Variants in MAP3K7CL observed in about 807,000 individuals in gnomAD.
The protein encoded by MAP3K7CL is MAP3K7 C-terminal like.
MAP3K7CL carries 16 observed loss-of-function variants against 18.6 expected under a neutral mutation model. The observed-to-expected ratio is 0.86, with a 90% confidence interval of 0.58 to 1.31. The LOEUF (loss-of-function observed/expected upper bound fraction) is 1.31, where lower values mean the gene tolerates loss of function less well. Ranked by LOEUF, MAP3K7CL falls within the 50% of genes most tolerant of loss-of-function variation. The pLI, the probability that MAP3K7CL is intolerant of heterozygous loss-of-function variation, is 0.00. For synonymous variants in MAP3K7CL, 65 were observed against 66.8 expected (o/e 0.97, Z 0.13); for missense variants, 163 against 174.4 (o/e 0.93, Z 0.37).
intron 4 of MAP3K7CL, among the ~76,000 whole-genome samples, chr21:29,121,646 G>T (rs1262797006): frequency 1.3e-5 from 2 of 152,090 alleles, no homozygotes; most frequent in African/African-American, 4.8e-5. Context: ...TCTTTAATGA[G>T]CCAAGCAGTT....
intron 4 of MAP3K7CL, among the ~76,000 whole-genome samples, chr21:29,103,877 C>G (rs1192906312): frequency 6.6e-6 from 1 of 152,162 alleles, no homozygotes; most frequent in African/African-American, 2.4e-5. Flanking sequence ...GCACTTCAGC[C>G]TGGGTGACAG....
In MAP3K7CL at chr21:29,109,569, A is replaced by G. The variant is rs1046203552; in HGVS notation, c.370+16988A>G. The G allele has an allele frequency of 2.9e-6, 3 of 1,016,954 alleles. No homozygotes were observed. In the African/African-American group the frequency reaches 5.2e-5, roughly 18 times the overall value. The allele number at this position is 1,016,954 out of a possible 1,614,324, so 63.0% of individuals were successfully genotyped here. A position where few individuals can be genotyped will look rare whatever the true frequency, so the allele number is the denominator to read the frequency against. ...TTACTCTACTGAAATCCATTTTTTG[A>G]TTTATAAACTGCACATTTAATGTAA... On this transcript the variant is annotated intron_variant, in intron 4 of 6. Transcript: ENST00000286791.
At chr21:29,148,199 A>T (rs1343561818) in intron 2 of MAP3K7CL, among the ~76,000 whole-genome samples, 1 of 151,912 alleles carries the variant, frequency 6.6e-6, no homozygotes, top group Non-Finnish European at 1.5e-5. Context: ...CTGTATATAT[A>T]CCTGTACTGT....
rs1459738798 is a variant in MAP3K7CL at position 29,175,412 on chromosome 21, A to G, written c.*520A>G. 1 of 152,214 alleles carries G rather than the reference A, an allele frequency of 6.6e-6. No individual in the cohort carries two copies. Among genetic ancestry groups the G allele is most frequent in the Non-Finnish European group, 1.5e-5 (1 of 68,048 alleles). The allele number at this position is 152,214 out of a possible 1,614,324, so 9.4% of individuals were successfully genotyped here. A position where few individuals can be genotyped will look rare whatever the true frequency, so the allele number is the denominator to read the frequency against. ...TATAAACTTTTATACTCTGATTTTT[A>G]TCCTTCAATGATTGATTATACTAAG... On this transcript the variant is annotated 3_prime_UTR_variant, in exon 5 of 5. Coordinates refer to ENST00000399928, the MANE Select transcript of MAP3K7CL (RefSeq NM_001286620.2).
chr21:29,111,124 T>C (rs2086412336), intron 4 of MAP3K7CL, among the ~76,000 whole-genome samples: 1 of 151,950 alleles, frequency 6.6e-6, no homozygotes, highest in Non-Finnish European at 1.5e-5. Flanking sequence ...GGCGTGGTGG[T>C]GAGTGCCTGT....
intron 4 of MAP3K7CL, among the ~76,000 whole-genome samples, chr21:29,171,146 G>A (rs1357216447): frequency 2.0e-5 from 3 of 152,036 alleles, no homozygotes; most frequent in East Asian, 1.9e-4. Context: ...TTTAAATGGA[G>A]CACTTTCAGT....
intron 4 of MAP3K7CL, among the ~76,000 whole-genome samples, chr21:29,106,800 G>A (rs1052257407): frequency 1.3e-5 from 2 of 152,322 alleles, no homozygotes; most frequent in Non-Finnish European, 2.9e-5. Context: ...TGGCCAAGCT[G>A]TTGGAGCAGG....
At chr21:29,121,068 A>G (rs570326410) in intron 4 of MAP3K7CL, among the ~76,000 whole-genome samples, 4 of 147,014 alleles carry the variant, frequency 2.7e-5, no homozygotes, top group Non-Finnish European at 4.5e-5. Context: ...ATATATATAT[A>G]GTGTATATAT....
At chr21:29,090,084 T>C (rs540869456) in intron 1 of MAP3K7CL, among the ~76,000 whole-genome samples, 53 of 152,358 alleles carry the variant, frequency 3.5e-4, no homozygotes, top group African/African-American at 1.2e-3. Context: ...GATGCAGTAA[T>C]GTGAAATGTT....
intron 4 of MAP3K7CL, among the ~76,000 whole-genome samples, chr21:29,108,319 A>G (rs1028376149): frequency 1.3e-5 from 2 of 152,206 alleles, no homozygotes; most frequent in Non-Finnish European, 2.9e-5. Flanking sequence ...GTTGTCTGCA[A>G]GCTACGAAGA....
At position 29,151,146 on chromosome 21, in the gene MAP3K7CL, T is replaced by C. The variant is rs1344314006; in HGVS notation, c.132+1896T>C. Among the ~76,000 whole-genome samples the C allele has an allele frequency of 2.6e-5, 4 of 151,890 alleles. No individual in the cohort carries two copies. In the East Asian group the frequency reaches 7.8e-4, roughly 30 times the overall value. On this transcript the variant is annotated intron_variant, in intron 3 of 4. Coordinates refer to ENST00000399928, the MANE Select transcript of MAP3K7CL (RefSeq NM_001286620.2). ...TCTGTTCTCACAGAGAGGCTGTCTA[T>C]GTGCTGCTGGTGGTGTAATTGGGAT...
In MAP3K7CL at chr21:29,089,902, AAAGG is replaced by A. The variant is rs143308318; in HGVS notation, c.58-1594_58-1591del. On this transcript the variant is annotated intron_variant, in intron 1 of 6. Coordinates refer to the MAP3K7CL transcript ENST00000286791. ...GGGAGGGAGGAAGGGAAAAAAGGAGAAAGGAAGGGAGTAAGGAGAATAAGAAAGA... is the reference window on the plus strand; with the variant it reads ...GGGAGGGAGGAAGGGAAAAAAGGAGAAAGGGAGTAAGGAGAATAAGAAAGA... 6.9e-3 allele frequency among the ~76,000 whole-genome samples: 1,050 copies of A among 151,676 alleles called. 11 individuals are homozygous for A. Among genetic ancestry groups the A allele is most frequent in the African/African-American group, 0.024 (989 of 41,306 alleles).
intron 1 of MAP3K7CL, 57 bp from the exon 2 acceptor site, chr21:29,133,249 A>G: frequency 7.5e-7 from 1 of 1,329,884 alleles, no homozygotes; most frequent in Non-Finnish European, 1.0e-6. Context: ...AGGGCCTCTG[A>G]GTATTTAGGG....
chr21:29,131,122 C>G (rs1276999218), intron 1 of MAP3K7CL, 199 bp downstream of exon 1: 1 of 156,982 alleles, frequency 6.4e-6, no homozygotes, highest in Non-Finnish European at 1.4e-5. Flanking sequence ...TGCCACCATC[C>G]TTTCATAGGC....
intron 4 of MAP3K7CL, among the ~76,000 whole-genome samples, chr21:29,103,065 G>A (rs1005382429): frequency 2.6e-5 from 4 of 152,210 alleles, no homozygotes; most frequent in African/African-American, 9.7e-5. Flanking sequence ...ACTGTGAGAG[G>A]TAATGGGTAT....
At chr21:29,171,825 A>C (rs2087838473) in intron 4 of MAP3K7CL, among the ~76,000 whole-genome samples, 4 of 151,542 alleles carry the variant, frequency 2.6e-5, no homozygotes, top group South Asian at 4.2e-4. Flanking sequence ...AAAAAAAAAA[A>C]AAAACAACAC....
chr21:29,091,128 A>G (rs1398163745), intron 1 of MAP3K7CL, among the ~76,000 whole-genome samples: 3 of 152,198 alleles, frequency 2.0e-5, no homozygotes, highest in Admixed American at 2.0e-4. Flanking sequence ...GCCACATGGT[A>G]CCAGTGGCAA....
At chr21:29,144,943 A>G (rs1052751246) in intron 2 of MAP3K7CL, among the ~76,000 whole-genome samples, 2 of 152,224 alleles carry the variant, frequency 1.3e-5, no homozygotes. Flanking sequence ...TCAGTAAGAA[A>G]GTTCTAGCTT....
intron 4 of MAP3K7CL, among the ~76,000 whole-genome samples, chr21:29,123,047 G>T (rs34518296): frequency 0.89 from 114,508 of 129,196 alleles, 49,957 homozygotes; most frequent in African/African-American, 0.95. Context: ...TACTGGAGAA[G>T]AAATGATCTT....
Sources: allele counts gnomAD v4.1 joint callset (sites outside exome capture counted in the v4.1 genomes callset), GRCh38; gene constraint gnomAD v4.1.1; transcripts MANE v1.5; gene names NCBI Gene and HGNC (gene_info 2026-07-23, HGNC 2026-07-21).